Variants in REPS2 observed in about 807,000 individuals in gnomAD.
REPS2 encodes ralBP1-associated Eps domain-containing protein 2.
A neutral mutation model predicts 53.6 loss-of-function variants in REPS2; 23 were observed. The ratio of observed to expected loss-of-function variants is 0.43; its 90% CI spans 0.31 to 0.61. The LOEUF (loss-of-function observed/expected upper bound fraction) is 0.61. Among genes scored for constraint, REPS2 ranks in the 20% least tolerant of loss-of-function variants. The pLI, the probability that REPS2 is intolerant of heterozygous loss-of-function variation, is 0.11. For missense variants in REPS2, 446 were observed against 534.9 expected, an observed-to-expected ratio of 0.83 and a Z score of 1.64; for synonymous variants, 238 against 218.6, an observed-to-expected ratio of 1.09 and a Z score of -0.78.
chrX:17,080,122 A>G (rs750226680), intron 13 of REPS2, among the ~76,000 whole-genome samples: 8 of 111,261 alleles, frequency 7.2e-5, no homozygotes, highest in South Asian at 3.8e-4. Context: ...TCTATTTCAT[A>G]TAGAGGATTG....
At chrX:17,102,028 T>TTTATGTTATGTTATGTTATG (rs778594430) in intron 13 of REPS2, among the ~76,000 whole-genome samples, 1 of 95,264 alleles carries the variant, frequency 1.0e-5, no homozygotes, top group Non-Finnish European at 2.0e-5. Flanking sequence ...TTTATTTTAT[T>TTTATGTTATGTTATGTTATG]TTATGTTATG....
intron 14 of REPS2, among the ~76,000 whole-genome samples, chrX:17,106,225 A>C (rs113221758): frequency 1.3e-3 from 147 of 111,505 alleles, no homozygotes; most frequent in Non-Finnish European, 2.4e-3. Flanking sequence ...ATGAACTCCC[A>C]TTCACAATCA....
intron 4 of REPS2, among the ~76,000 whole-genome samples, chrX:17,028,827 T>C (rs2061676419): frequency 8.9e-6 from 1 of 112,132 alleles, no homozygotes; most frequent in Non-Finnish European, 1.9e-5. Context: ...TAATTTCTGC[T>C]TTCTGTTGGA....
chrX:16,964,939 C>T (rs1244015656), intron 1 of REPS2, among the ~76,000 whole-genome samples: 4 of 9,731 alleles, frequency 4.1e-4, no homozygotes, highest in Non-Finnish European at 6.5e-4. Flanking sequence ...CCCTCCCGGA[C>T]GGGGCGGCTG....
At chrX:16,969,742 G>A (rs2060857222) in intron 1 of REPS2, among the ~76,000 whole-genome samples, 1 of 95,202 alleles carries the variant, frequency 1.1e-5, no homozygotes, top group African/African-American at 3.9e-5. Flanking sequence ...AGACCGTGGG[G>A]AGAGGGAGAC....
chrX:17,129,985 C>T (rs190530180), intron 14 of REPS2, among the ~76,000 whole-genome samples: 1 of 112,032 alleles, frequency 8.9e-6, no homozygotes, highest in African/African-American at 3.2e-5. Context: ...AGGCTGCATG[C>T]GTAGACTTGG....
chrX:17,069,906 C>A, intron 10 of REPS2, 34 bp from the exon 11 acceptor site: 1 of 951,039 alleles, frequency 1.1e-6, no homozygotes, highest in Middle Eastern at 4.0e-4. Context: ...CCTCTTTTCT[C>A]TTTCTTTTTG....
At chrX:17,069,852 C>A in intron 10 of REPS2, 88 bp from the exon 11 acceptor site, 1 of 510,033 alleles carries the variant, frequency 2.0e-6, no homozygotes, top group Non-Finnish European at 3.0e-6. Flanking sequence ...TTGTTTGAAT[C>A]CAATTTGCCT....
intron 14 of REPS2, among the ~76,000 whole-genome samples, chrX:17,115,585 G>A (rs1306876213): frequency 9.0e-6 from 1 of 111,730 alleles, no homozygotes; most frequent in East Asian, 2.8e-4. Context: ...GGGACGGTCA[G>A]GTCTTTCTCT....
At chrX:17,040,354 G>A (rs1351745041) in intron 5 of REPS2, among the ~76,000 whole-genome samples, 2 of 112,363 alleles carry the variant, frequency 1.8e-5, no homozygotes, top group Admixed American at 1.9e-4. Flanking sequence ...GAGAACTCAG[G>A]TTAACCTTTC....
intron 4 of REPS2, among the ~76,000 whole-genome samples, 194 bp from the exon 5 acceptor site, chrX:17,029,332 G>T: frequency 8.9e-6 from 1 of 112,268 alleles, no homozygotes; most frequent in Admixed American, 9.4e-5. Context: ...ATCATGAATT[G>T]GTTGAATGTC....
chrX:17,183,288 A>G, the REPS2 span, among the ~76,000 whole-genome samples: 2 of 112,541 alleles, frequency 1.8e-5, no homozygotes, highest in Admixed American at 9.4e-5. Context: ...TCATATGCCT[A>G]TTATTAATAA....
chrX:17,112,817 A>G (rs1180995722), intron 14 of REPS2, among the ~76,000 whole-genome samples: 1 of 110,787 alleles, frequency 9.0e-6, no homozygotes, highest in Non-Finnish European at 1.9e-5. Flanking sequence ...GGCTGGGCAC[A>G]GTGGCTCACG....
At chrX:17,072,476 C>G (rs917011405) in intron 11 of REPS2, among the ~76,000 whole-genome samples, 3 of 111,586 alleles carry the variant, frequency 2.7e-5, no homozygotes, top group Non-Finnish European at 5.7e-5. Flanking sequence ...CTCACCCCAT[C>G]TGTCTGTCTG....
At chrX:17,047,239 G>A in intron 5 of REPS2, 108 bp from the exon 6 acceptor site, 1 of 876,472 alleles carries the variant, frequency 1.1e-6, no homozygotes, top group South Asian at 2.4e-5. Context: ...CTTCACCTGA[G>A]GAAAAAAATT....
intron 1 of REPS2, among the ~76,000 whole-genome samples, chrX:16,995,820 G>A (rs919139799): frequency 1.8e-5 from 2 of 111,906 alleles, no homozygotes; most frequent in African/African-American, 6.5e-5. Flanking sequence ...CTTCCACCCT[G>A]TTCATAACTG....
downstream of REPS2, among the ~76,000 whole-genome samples, chrX:17,158,121 A>G (rs150181322): frequency 1.4e-3 from 154 of 112,308 alleles, 1 homozygote; most frequent in Middle Eastern, 0.018. Context: ...GTTGTTACAT[A>G]CACACGTGCA....
At chrX:16,994,345 A>T (rs187708228) in intron 1 of REPS2, among the ~76,000 whole-genome samples, 1,816 of 101,934 alleles carry the variant, frequency 0.018, 38 homozygotes, top group African/African-American at 0.061. Context: ...ATATGTGTGT[A>T]TATATACACA....
rs1260382157 is a variant in REPS2, at chrX:17,151,185, T to C, written c.*3704T>C. ...ATGAACTCAATATGTAGTTAAGTTA[T>C]AGTTTTCTTCAATGTATTTTTAGTT... On this transcript the variant is annotated 3_prime_UTR_variant, in exon 18 of 18. Coordinates refer to ENST00000357277, the MANE Select transcript of REPS2 (RefSeq NM_004726.3). 2 of 112,415 alleles carry C rather than the reference T, an allele frequency of 1.8e-5. No homozygotes were observed. The highest frequency in any genetic ancestry group is 3.2e-5 in the African/African-American group (1 of 30,946). The allele number at this position is 112,415 out of a possible 1,213,427, so 9.3% of individuals were successfully genotyped here.
Sources: gnomAD v4.1 joint callset for allele counts (sites outside exome capture counted in the v4.1 genomes callset) on GRCh38, gnomAD v4.1.1 for gene constraint, MANE v1.5 for transcripts, NCBI Gene and HGNC (gene_info 2026-07-23, HGNC 2026-07-21) for gene names.